MED23: variants seen among roughly 807,000 people sequenced by gnomAD.
MED23 encodes mediator of RNA polymerase II transcription subunit 23.
Under a neutral mutation model 163.9 loss-of-function variants are expected in MED23, and 105 were observed. The observed-to-expected ratio is 0.64, with a 90% CI of 0.55 to 0.75. MED23 has a LOEUF of 0.75. Ranked by LOEUF, MED23 falls within the 30% of genes least tolerant of loss-of-function variation. MED23 has a pLI of 0.00. For synonymous variants in MED23, 561 were observed against 565.6 expected (o/e 0.99, Z 0.12); for missense variants, 1,054 against 1,649.0 (o/e 0.64, Z 6.25).
intron 30 of MED23, among the ~76,000 whole-genome samples, chr6:131,577,290 T>G (rs1049396053): frequency 5.9e-5 from 9 of 152,154 alleles, no homozygotes; most frequent in African/African-American, 2.2e-4. Context: ...ACTGGAACCC[T>G]CATATATTTC....
At chr6:131,594,413 G>C (rs1333184779) in intron 22 of MED23, 78 bp from the exon 23 acceptor site, 1 of 1,101,932 alleles carries the variant, frequency 9.1e-7, no homozygotes, top group Non-Finnish European at 1.4e-6. Context: ...CTGCTTTCCA[G>C]ATAACTGAAA....
chr6:131,580,349 A>G (rs1773856504), intron 30 of MED23, among the ~76,000 whole-genome samples: 1 of 152,170 alleles, frequency 6.6e-6, no homozygotes, highest in African/African-American at 2.4e-5. Flanking sequence ...GGGAAAACAA[A>G]CGTCCACTGA....
intron 9 of MED23, 108 bp from the exon 10 acceptor site, chr6:131,616,110 G>C: frequency 1.2e-6 from 1 of 845,964 alleles, no homozygotes; most frequent in South Asian, 1.4e-5. Flanking sequence ...TACCTTCACA[G>C]AGTAGGCAGT....
chr6:131,619,408 C>T (rs1441097966), intron 8 of MED23, among the ~76,000 whole-genome samples: 2 of 151,770 alleles, frequency 1.3e-5, no homozygotes, highest in African/African-American at 2.4e-5. Context: ...GAGACTCTAA[C>T]AAAACATGGG....
chr6:131,593,355 A>G (rs933367153), intron 23 of MED23, among the ~76,000 whole-genome samples, 184 bp from the exon 24 acceptor site: 26 of 152,252 alleles, frequency 1.7e-4, no homozygotes, highest in African/African-American at 6.0e-4. Context: ...AACCACAGGT[A>G]TAAATGGTTG....
At position 131,620,804 on chromosome 6, in the gene MED23, A is replaced by T. The variant is rs928499901; in HGVS notation, c.496-75T>A. The T allele has an allele frequency of 3.0e-4, 201 of 669,554 alleles. 1 individual carries two copies. In the East Asian group the frequency reaches 4.1e-3, roughly 14 times the overall value. The allele number at this position is 669,554 out of a possible 1,614,324, so 41.5% of individuals were successfully genotyped here. ...GCCCTTTATTTTATTTATTATCATT[A>T]TTTTTTTTTTTTTTTGAGACAGGGT... On this transcript the variant is annotated intron_variant, in intron 6 of 28. Transcript: ENST00000368068.
chr6:131,605,117 A>G (rs982253107), intron 14 of MED23, 123 bp downstream of exon 14: 45 of 1,004,284 alleles, frequency 4.5e-5, no homozygotes, highest in Non-Finnish European at 6.2e-5. Flanking sequence ...AAATAAAGCT[A>G]ACTTTTTTTT....
chr6:131,608,302 A>G (rs1234363628), intron 11 of MED23, among the ~76,000 whole-genome samples: 1 of 151,686 alleles, frequency 6.6e-6, no homozygotes, highest in Non-Finnish European at 1.5e-5. Flanking sequence ...CCTGCTCCCC[A>G]AAACAACTAA....
intron 30 of MED23, among the ~76,000 whole-genome samples, chr6:131,576,124 A>C (rs1486444678): frequency 6.6e-6 from 1 of 152,198 alleles, no homozygotes; most frequent in Non-Finnish European, 1.5e-5. Flanking sequence ...TATTTCTTGC[A>C]GCCTTTACTG....
At chr6:131,600,381 CAA>C (rs1057428173) in intron 17 of MED23, among the ~76,000 whole-genome samples, 3 of 152,094 alleles carry the variant, frequency 2.0e-5, no homozygotes, top group Non-Finnish European at 2.9e-5. Context: ...GAAAAGATGA[CAA>C]AAGACATTTG....
At position 131,586,939 on chromosome 6, in the gene MED23, T is replaced by C; in HGVS notation, c.*740A>G. ...CATCTGTCAGGTGAGAGTGTCAACC[T>C]GCAAAAGCAATTAACTTATTTTTAA... On this transcript the variant is annotated 3_prime_UTR_variant, in exon 29 of 29. Transcript: ENST00000368068. 1 of 1,485,276 alleles carries C rather than the reference T, an allele frequency of 6.7e-7. No individual in the cohort carries two copies. The highest frequency in any genetic ancestry group is 9.0e-7 in the Non-Finnish European group (1 of 1,105,692). The allele number at this position is 1,485,276 out of a possible 1,614,324, so 92.0% of individuals were successfully genotyped here. A position where few individuals can be genotyped will look rare whatever the true frequency, so the allele number is the denominator to read the frequency against.
chr6:131,583,999 T>G, downstream of MED23: 1 of 1,430,424 alleles, frequency 7.0e-7, no homozygotes, highest in Non-Finnish European at 9.6e-7. Context: ...TTCTAAAGAC[T>G]TGTTCTTTCA....
rs1407295695 is a variant in MED23 at position 131,589,446 on chromosome 6, T to A, written c.3939+19A>T. On this transcript the variant is annotated intron_variant, in intron 28 of 28. Coordinates refer to ENST00000368068, the MANE Select transcript of MED23 (RefSeq NM_004830.4). The stretch of plus-strand genomic sequence containing the variant: ...CTAAATTAAACATCATTAAAAATAA[T>A]TAAACAAATTCAACTTACTTGCTCT... 6.2e-7 allele frequency: 1 copy of A among 1,601,942 alleles called. No homozygotes were observed. The highest frequency in any genetic ancestry group is 8.5e-7 in the Non-Finnish European group (1 of 1,172,492).
downstream of MED23, among the ~76,000 whole-genome samples, chr6:131,586,399 C>CAAA (rs547558863): frequency 1.3e-5 from 1 of 74,796 alleles, no homozygotes; most frequent in Non-Finnish European, 2.9e-5. Context: ...GACTCCGTCT[C>CAAA]AAAAAAAAAA....
chr6:131,605,127 T>C, intron 14 of MED23, 113 bp downstream of exon 14: 1 of 1,129,870 alleles, frequency 8.9e-7, no homozygotes, highest in Non-Finnish European at 1.3e-6. Flanking sequence ...AACTTTTTTT[T>C]CTCAAATGTA....
chr6:131,583,489 C>T (rs773629257), downstream of MED23: 1 of 1,614,052 alleles, frequency 6.2e-7, no homozygotes, highest in Non-Finnish European at 8.5e-7. Context: ...ATCTACAAAA[C>T]AGGTAGTTAA....
In MED23 at chr6:131,592,459, G is replaced by T; in HGVS notation, c.3400C>A (p.Gln1134Lys). Residue 1134 changes from glutamine to lysine, a missense_variant and splice_region_variant, in exon 25 of 29, where the codon CAG (glutamine) becomes AAG (lysine). This residue lies in a region of MED23 where 362 missense variants were observed against 471.6 expected (regional missense o/e 0.77). Coordinates refer to ENST00000368068, the MANE Select transcript of MED23 (RefSeq NM_004830.4). Reference protein sequence around the residue: ...NALLNVVLKSQPLVPRENITA... With the variant: ...NALLNVVLKSKPLVPRENITA... ...ATGTTCTCTCTTGGCACTAAAGGCTGACTGCAACCGGCAAAAAAGAATGTA... is the reference window on the plus strand; with the variant it reads ...ATGTTCTCTCTTGGCACTAAAGGCTTACTGCAACCGGCAAAAAAGAATGTA... 1 of 1,613,728 alleles carries T rather than the reference G, an allele frequency of 6.2e-7. No homozygotes were observed. Among genetic ancestry groups the T allele is most frequent in the Non-Finnish European group, 8.5e-7 (1 of 1,179,784 alleles).
At position 131,618,516 on chromosome 6, in the gene MED23, C is replaced by A; in HGVS notation, c.671G>T (p.Arg224Leu). Reference sequence around the variant, plus strand: ...ATTTACAACTGGCAGAAGACTACAGCGACCTGTATGTATTACAAAAATGTT... The same window carrying A: ...ATTTACAACTGGCAGAAGACTACAGAGACCTGTATGTATTACAAAAATGTT... ...PTARINSICG[R>L]CSLLPVVNNS... is the part of the protein sequence containing the mutation. The change falls in exon 9 of 29, where the codon CGC becomes CTC. Residue 224 changes from arginine (R) to leucine (L), a missense_variant. By Grantham distance (102) the Arg-to-Leu change is moderately radical. This residue lies in a region of MED23 where 54 missense variants were observed against 79.7 expected (regional missense o/e 0.68). Coordinates refer to ENST00000368068, the MANE Select transcript of MED23 (RefSeq NM_004830.4). 6.2e-7 allele frequency: 1 copy of A among 1,607,626 alleles called. No homozygotes were observed. The highest frequency in any genetic ancestry group is 8.5e-7 in the Non-Finnish European group (1 of 1,174,216).
Position 131,618,423 on chromosome 6 carries a change from AG to A in MED23, c.763del (p.Leu255PhefsTer16). The A allele has an allele frequency of 6.2e-7, 1 of 1,612,804 alleles. No homozygotes were observed. The highest frequency in any genetic ancestry group is 8.5e-7 in the Non-Finnish European group (1 of 1,178,848). ...PATLRFPLKG[L>X]LPYDKDLFEP... ...GCAACATACCTTATCATATGGCAAA[AG>A]GCCTTTCAAAGGAAAACGAAGAGTA... On this transcript the variant is annotated frameshift_variant, in exon 9 of 29. Transcript: ENST00000368068. LOFTEE classifies it high-confidence loss of function.
Sources: gnomAD v4.1 joint callset for allele counts (sites outside exome capture counted in the v4.1 genomes callset) on GRCh38, gnomAD v4.1.1 for gene constraint, gnomAD v4.1.1 regional missense constraint, MANE v1.5 for transcripts, NCBI Gene and HGNC (gene_info 2026-07-23, HGNC 2026-07-21) for gene names.